RIMBP2: variants seen among roughly 807,000 people sequenced by gnomAD.
RIMBP2 encodes RIMS binding protein 2.
In RIMBP2, 48 loss-of-function variants were observed where a neutral mutation model predicts 118.6. The observed-to-expected ratio is 0.40, with a 90% CI of 0.32 to 0.51. RIMBP2 has a LOEUF of 0.51. Among genes scored for constraint, RIMBP2 ranks in the 20% least tolerant of loss-of-function variants. The pLI is 0.41. For synonymous variants in RIMBP2, 762 were observed against 742.9 expected, an observed-to-expected ratio of 1.03 and a Z score of -0.42; for missense variants, 1,551 against 1,768.3, an observed-to-expected ratio of 0.88 and a Z score of 2.20.
rs752371076 is a variant in RIMBP2, at chr12:130,511,238, A to G, written c.-126-4468T>C. Among the ~76,000 whole-genome samples the G allele has an allele frequency of 6.6e-6, 1 of 152,126 alleles. No homozygotes were observed. Among genetic ancestry groups the G allele is most frequent in the Non-Finnish European group, 1.5e-5 (1 of 68,024 alleles). ...AAGGAAGCCAAAAAAAGGCAAGAGGAGAGACTGTCCCCCAGAGCCTCAGGA... is the reference window on the plus strand; with the variant it reads ...AAGGAAGCCAAAAAAAGGCAAGAGGGGAGACTGTCCCCCAGAGCCTCAGGA... On this transcript the variant is annotated intron_variant, in intron 3 of 22. Coordinates refer to ENST00000690449, the MANE Select transcript of RIMBP2 (RefSeq NM_001393629.1). This position sits in a 1 kb window ranked among gnomAD's most constrained non-coding sequence, Gnocchi z 4.3.
chr12:130,470,710 C>T lies in RIMBP2; in HGVS notation c.136G>A (p.Ala46Thr), dbSNP rs1051242582. ...CTCCTTACCTCTAGCAGCCGCACTG[C>T]GCCTTCATGCTCCTTCTTAGCCTCA... ...QVEAKKEHEGAVRLLESKVRE... is the reference protein window; with the variant it reads ...QVEAKKEHEGTVRLLESKVRE... Residue 46 changes from alanine (A) to threonine (T), a missense_variant, in exon 6 of 23, where the codon GCA becomes ACA. Physicochemically the swap from Ala to Thr is moderately conservative, Grantham distance 58. This residue lies in a region of RIMBP2 where 239 missense variants were observed against 256.8 expected (regional missense o/e 0.93). Coordinates refer to ENST00000690449, the MANE Select transcript of RIMBP2 (RefSeq NM_001393629.1). 23 of 1,231,912 alleles carry T rather than the reference C, an allele frequency of 1.9e-5. No homozygotes were observed. The highest frequency in any genetic ancestry group is 3.1e-4 in the Middle Eastern group (1 of 3,230). The allele number at this position is 1,231,912 out of a possible 1,614,324, so 76.3% of individuals were successfully genotyped here.
chr12:130,601,148 T>C (rs1292506324), intron 2 of RIMBP2, among the ~76,000 whole-genome samples: 2 of 152,184 alleles, frequency 1.3e-5, no homozygotes, highest in East Asian at 1.9e-4. Context: ...ACACTCTTAC[T>C]GACAAGGCTC....
rs2064333599 is a variant in RIMBP2, at chr12:130,674,179, TA to T, written c.-352+42042del. Among the ~76,000 whole-genome samples the T allele has an allele frequency of 5.9e-5, 9 of 152,110 alleles. No homozygotes were observed. In the South Asian group the frequency reaches 1.9e-3, roughly 32 times the overall value. On this transcript the variant is annotated intron_variant, in intron 1 of 22. Transcript: ENST00000690449. ...CTCCTTTCCTCCTTCACTTTTTCTC[TA>T]AGTGTTTGGCGCCTTCTCCTTCGCT...
chr12:130,663,373 G>T (rs2063741755), intron 1 of RIMBP2, among the ~76,000 whole-genome samples: 1 of 148,002 alleles, frequency 6.8e-6, no homozygotes, highest in Non-Finnish European at 1.5e-5. Context: ...CCACATGTCT[G>T]GCCAAAGAAT....
intron 1 of RIMBP2, among the ~76,000 whole-genome samples, chr12:130,698,918 A>C (rs897644383): frequency 6.6e-6 from 1 of 152,204 alleles, no homozygotes; most frequent in Non-Finnish European, 1.5e-5. Context: ...AAAGTGGGTG[A>C]AGGACATGAA....
intron 1 of RIMBP2, among the ~76,000 whole-genome samples, chr12:130,661,949 G>A (rs2063682762): frequency 6.6e-6 from 1 of 152,192 alleles, no homozygotes; most frequent in Non-Finnish European, 1.5e-5. Flanking sequence ...TGTGTCACAT[G>A]AGCAAGACCC....
At chr12:130,500,850 T>C (rs1278912272) in intron 4 of RIMBP2, among the ~76,000 whole-genome samples, 1 of 151,526 alleles carries the variant, frequency 6.6e-6, no homozygotes, top group Non-Finnish European at 1.5e-5. Flanking sequence ...GCCGTGGTGA[T>C]GGCTGCCTGA....
chr12:130,396,558 A>G lies in RIMBP2; in HGVS notation c.*803T>C, dbSNP rs962034369. 1.3e-5 allele frequency: 2 copies of G among 152,668 alleles called. No homozygotes were observed. Among genetic ancestry groups the G allele is most frequent in the Non-Finnish European group, 2.9e-5 (2 of 68,040 alleles). 9.5% of individuals were successfully genotyped at this position (152,668 alleles called of 1,614,324 possible). ...GCATTATGTGGATTACTTGTGTGCC[A>G]TTCATTGCTGTGTATTTGGGTATGG... On this transcript the variant is annotated 3_prime_UTR_variant, in exon 23 of 23. Transcript: ENST00000690449.
At chr12:130,585,907 T>A (rs2058853251) in intron 2 of RIMBP2, among the ~76,000 whole-genome samples, 1 of 152,154 alleles carries the variant, frequency 6.6e-6, no homozygotes, top group African/African-American at 2.4e-5. Flanking sequence ...CTGAGACTAC[T>A]AAAAACAAAG....
At chr12:130,470,349 C>G (rs1333063587) in intron 6 of RIMBP2, 2 of 233,690 alleles carry the variant, frequency 8.6e-6, no homozygotes, top group Non-Finnish European at 1.6e-5. Context: ...GAAATTAATT[C>G]ACAAGCAAGC....
intron 2 of RIMBP2, among the ~76,000 whole-genome samples, chr12:130,609,240 GC>G (rs543956498): frequency 6.6e-6 from 1 of 151,948 alleles, no homozygotes; most frequent in Non-Finnish European, 1.5e-5. Context: ...AAAGCTGTCT[GC>G]CCCCCCACGT....
chr12:130,482,571 G>T (rs2082104152), intron 4 of RIMBP2, among the ~76,000 whole-genome samples: 1 of 152,244 alleles, frequency 6.6e-6, no homozygotes, highest in Non-Finnish European at 1.5e-5. Context: ...TCCACCAGGA[G>T]AACTCGCTCA....
At chr12:130,441,408 A>AATAATAATC (rs1555251158) in intron 11 of RIMBP2, among the ~76,000 whole-genome samples, 20 of 87,134 alleles carry the variant, frequency 2.3e-4, no homozygotes, top group Admixed American at 1.9e-3. Flanking sequence ...CTCAAATAAT[A>AATAATAATC]ATAATAATAA....
Position 130,621,785 on chromosome 12 carries a change from T to C in RIMBP2, c.-217+6537A>G, listed in dbSNP as rs956517512. ...ATTTCCTCGACATTTCCAAAACTCTTGCCAAACACATTTGTACTCTACCCT... is the reference window on the plus strand; with the variant it reads ...ATTTCCTCGACATTTCCAAAACTCTCGCCAAACACATTTGTACTCTACCCT... On this transcript the variant is annotated intron_variant, in intron 2 of 22. Coordinates refer to ENST00000690449, the MANE Select transcript of RIMBP2 (RefSeq NM_001393629.1). This position sits in a 1 kb window ranked among gnomAD's most constrained non-coding sequence, Gnocchi z 6.6. 6.6e-6 allele frequency among the ~76,000 whole-genome samples: 1 copy of C among 152,142 alleles called. No individual in the cohort carries two copies. Among genetic ancestry groups the C allele is most frequent in the African/African-American group, 2.4e-5 (1 of 41,444 alleles).
intron 21 of RIMBP2, among the ~76,000 whole-genome samples, chr12:130,404,152 G>A (rs10773777): frequency 0.3 from 46,344 of 152,006 alleles, 7,497 homozygotes; most frequent in East Asian, 0.65. Context: ...CAAGGGAATC[G>A]GTTGATAAGA....
rs200992909 is a variant in RIMBP2, at chr12:130,451,185, C to T, written c.504+10G>A. 9.5e-5 allele frequency: 153 copies of T among 1,611,950 alleles called. 2 individuals are homozygous for T. The South Asian group carries it at 1.3e-3, about 13-fold the overall frequency. ...GGCAGCCCCGGCAGCCCCTGCGGGA[C>T]GGGACTCACGTCTGACTCAGATCTG... On this transcript the variant is annotated intron_variant, in intron 8 of 22. Coordinates refer to ENST00000690449, the MANE Select transcript of RIMBP2 (RefSeq NM_001393629.1).
intron 17 of RIMBP2, among the ~76,000 whole-genome samples, chr12:130,414,883 C>T (rs566546988): frequency 2.7e-4 from 41 of 152,328 alleles, no homozygotes; most frequent in African/African-American, 9.6e-4. Flanking sequence ...CCTAGACACA[C>T]ACAACCTCCC....
intron 21 of RIMBP2, among the ~76,000 whole-genome samples, chr12:130,405,538 C>CA (rs1167651337): frequency 6.6e-6 from 1 of 152,144 alleles, no homozygotes; most frequent in Non-Finnish European, 1.5e-5. Context: ...AAAGATGCCC[C>CA]AGCTGCGGAA....
chr12:130,538,842 C>T (rs2054303814), intron 2 of RIMBP2, among the ~76,000 whole-genome samples: 2 of 152,168 alleles, frequency 1.3e-5, no homozygotes, highest in African/African-American at 4.8e-5. Flanking sequence ...ACTCTTCCCT[C>T]CCCGTATTGC....
Sources: allele counts gnomAD v4.1 joint callset (sites outside exome capture counted in the v4.1 genomes callset), GRCh38; gene constraint gnomAD v4.1.1; regional missense constraint gnomAD v4.1.1; non-coding constraint Gnocchi (gnomAD v3.1); transcripts MANE v1.5; gene names NCBI Gene and HGNC (gene_info 2026-07-23, HGNC 2026-07-21).